Variants in PCSK2 observed in about 807,000 individuals in gnomAD.
PCSK2 encodes neuroendocrine convertase 2.
In PCSK2, 14 loss-of-function variants were observed where a neutral mutation model predicts 69.7. The ratio of observed to expected loss-of-function variants is 0.20; its 90% CI spans 0.13 to 0.31. The LOEUF (loss-of-function observed/expected upper bound fraction) is 0.31. PCSK2 is among the 10% of genes least tolerant of loss of function. PCSK2 has a pLI of 1.00. For missense variants in PCSK2, 544 were observed against 842.5 expected, an observed-to-expected ratio of 0.65 and a Z score of 4.39; for synonymous variants, 307 against 320.7, an observed-to-expected ratio of 0.96 and a Z score of 0.46.
intron 5 of PCSK2, among the ~76,000 whole-genome samples, chr20:17,397,954 G>A (rs1159552677): frequency 2.0e-5 from 3 of 152,102 alleles, no homozygotes; most frequent in Admixed American, 6.6e-5. Context: ...AGTTCTTGAC[G>A]CTCCCAAAAT....
chr20:17,447,130 G>C lies in PCSK2; in HGVS notation c.886-6612G>C, dbSNP rs565926573. Among the ~76,000 whole-genome samples, 3 of 151,980 alleles carry C rather than the reference G, an allele frequency of 2.0e-5. No homozygotes were observed. In the South Asian group the frequency reaches 6.3e-4, roughly 32 times the overall value. On this transcript the variant is annotated intron_variant, in intron 8 of 11. Coordinates refer to ENST00000262545, the MANE Select transcript of PCSK2 (RefSeq NM_002594.5). ...ATAAAGAAAAATAAAAATTGGCTGG[G>C]CACAGTGCTATGTGCCTGTAATCCC...
At chr20:17,451,712 A>G (rs963706399) in intron 8 of PCSK2, among the ~76,000 whole-genome samples, 1 of 152,146 alleles carries the variant, frequency 6.6e-6, no homozygotes, top group Non-Finnish European at 1.5e-5. Flanking sequence ...GCATAAATAC[A>G]GGGAATCATG....
At chr20:17,324,174 T>C (rs1204253745) in intron 2 of PCSK2, among the ~76,000 whole-genome samples, 1 of 152,224 alleles carries the variant, frequency 6.6e-6, no homozygotes. Context: ...CTCCCCATTG[T>C]TGCTTTTTGG....
chr20:17,387,821 C>G (rs753178028), intron 5 of PCSK2, among the ~76,000 whole-genome samples: 4 of 152,110 alleles, frequency 2.6e-5, no homozygotes, highest in Non-Finnish European at 5.9e-5. Context: ...CCTCAAGGAC[C>G]TTAGCAACTA....
intron 2 of PCSK2, among the ~76,000 whole-genome samples, chr20:17,262,540 T>A (rs1987431246): frequency 6.6e-6 from 1 of 152,152 alleles, no homozygotes; most frequent in African/African-American, 2.4e-5. Context: ...TCCTGCATGA[T>A]GTTCTCGTGG....
chr20:17,272,507 T>C (rs2123027544), intron 2 of PCSK2, among the ~76,000 whole-genome samples: 1 of 152,236 alleles, frequency 6.6e-6, no homozygotes, highest in South Asian at 2.1e-4. Context: ...AATTTTCATC[T>C]TATTAGAGTT....
chr20:17,287,431 C>CTGTGTGTGTGTGTGTGTGTGTG (rs67695913), intron 2 of PCSK2, among the ~76,000 whole-genome samples: 10 of 146,030 alleles, frequency 6.8e-5, no homozygotes, highest in East Asian at 2.1e-4. Context: ...ATGTGCGTGT[C>CTGTGTGTGTGTGTGTGTGTGTG]TGTGTGTGTG....
At chr20:17,239,488 T>C (rs1314366100) in intron 1 of PCSK2, among the ~76,000 whole-genome samples, 1 of 152,122 alleles carries the variant, frequency 6.6e-6, no homozygotes, top group African/African-American at 2.4e-5. Flanking sequence ...TGGAGAGTTG[T>C]GTCTTAAATG....
chr20:17,422,015 T>A (rs2032141985), intron 6 of PCSK2, among the ~76,000 whole-genome samples: 1 of 152,050 alleles, frequency 6.6e-6, no homozygotes, highest in African/African-American at 2.4e-5. Context: ...TTGTTCAGAG[T>A]GATAAATGCA....
chr20:17,481,131 A>G (rs1467136993), intron 11 of PCSK2, among the ~76,000 whole-genome samples: 1 of 152,096 alleles, frequency 6.6e-6, no homozygotes, highest in Non-Finnish European at 1.5e-5. Context: ...CTGTAATCCC[A>G]GCACTTTGGG....
At chr20:17,334,817 G>T (rs1046465190) in intron 2 of PCSK2, among the ~76,000 whole-genome samples, 1 of 152,164 alleles carries the variant, frequency 6.6e-6, no homozygotes, top group African/African-American at 2.4e-5. Context: ...TAAAATAGTG[G>T]TATTTCATTT....
In PCSK2 at chr20:17,482,172, G is replaced by A; in HGVS notation, c.*102G>A. 9.5e-7 allele frequency: 1 copy of A among 1,056,538 alleles called. No individual in the cohort carries two copies. The highest frequency in any genetic ancestry group is 1.3e-6 in the Non-Finnish European group (1 of 751,888). The allele number at this position is 1,056,538 out of a possible 1,614,324, so 65.4% of individuals were successfully genotyped here. ...CCTAGCAATTCCATCACCCGTACAG[G>A]CAATTCCGTCTTCTTAATCTGAAGC... is the stretch of plus-strand genomic sequence containing the variant. On this transcript the variant is annotated 3_prime_UTR_variant, in exon 12 of 12. Transcript: ENST00000262545.
chr20:17,340,422 T>A (rs1420273098), intron 2 of PCSK2, among the ~76,000 whole-genome samples: 1 of 152,260 alleles, frequency 6.6e-6, no homozygotes. Context: ...TACCAGTCCA[T>A]TTCTGCATTG....
chr20:17,281,932 C>T (rs948926561), intron 2 of PCSK2, among the ~76,000 whole-genome samples: 1 of 152,132 alleles, frequency 6.6e-6, no homozygotes, highest in African/African-American at 2.4e-5. Context: ...CAGTAAGCCA[C>T]TTGACTGTTG....
At position 17,227,204 on chromosome 20, in the gene PCSK2, T is replaced by TA. The variant is rs1985949058; in HGVS notation, c.-97dup. ...CTCTTTCTCTATACAAAGATTTTTT[T>TA]AAAAACTATATATAAGAATTCTTTA... On this transcript the variant is annotated 5_prime_UTR_variant, in exon 1 of 12. Coordinates refer to ENST00000262545, the MANE Select transcript of PCSK2 (RefSeq NM_002594.5). 1 of 766,150 alleles carries TA rather than the reference T, an allele frequency of 1.3e-6. No homozygotes were observed. Among genetic ancestry groups the TA allele is most frequent in the Non-Finnish European group, 2.1e-6 (1 of 466,396 alleles). The allele number at this position is 766,150 out of a possible 1,614,324, so 47.5% of individuals were successfully genotyped here.
chr20:17,420,724 G>A (rs189595101), intron 6 of PCSK2, among the ~76,000 whole-genome samples: 3 of 152,306 alleles, frequency 2.0e-5, no homozygotes, highest in Non-Finnish European at 4.4e-5. Context: ...TCTTAAGAGA[G>A]AGAAATACAG....
chr20:17,277,450 C>G (rs1338652610), intron 2 of PCSK2, among the ~76,000 whole-genome samples: 19 of 152,198 alleles, frequency 1.2e-4, no homozygotes, highest in East Asian at 3.9e-4. Flanking sequence ...ACAAACCTGA[C>G]AAAAACAAGC....
intron 2 of PCSK2, among the ~76,000 whole-genome samples, chr20:17,312,331 T>A (rs1459356313): frequency 6.6e-6 from 1 of 152,148 alleles, no homozygotes; most frequent in Non-Finnish European, 1.5e-5. Context: ...AAATCCTCTT[T>A]TCCTTGACTG....
chr20:17,344,905 G>T (rs1305602880), intron 2 of PCSK2, among the ~76,000 whole-genome samples: 1 of 151,758 alleles, frequency 6.6e-6, no homozygotes, highest in Non-Finnish European at 1.5e-5. Flanking sequence ...GCAGGAAACT[G>T]CCCAAGGCTT....
Sources: allele counts gnomAD v4.1 joint callset (sites outside exome capture counted in the v4.1 genomes callset), GRCh38; gene constraint gnomAD v4.1.1; transcripts MANE v1.5; gene names NCBI Gene and HGNC (gene_info 2026-07-23, HGNC 2026-07-21).